EPB41L4A: variants seen among roughly 807,000 people sequenced by gnomAD.
EPB41L4A encodes band 4.1-like protein 4A.
EPB41L4A carries 100 observed loss-of-function variants against 108.6 expected under a neutral mutation model. The observed-to-expected ratio is 0.92, with a 90% confidence interval of 0.78 to 1.09. The LOEUF (loss-of-function observed/expected upper bound fraction) is 1.09. Among genes scored for constraint, EPB41L4A ranks in the 50% least tolerant of loss-of-function variants. The probability of loss-of-function intolerance (pLI) is 0.00; values close to 1 mark genes in which losing one functional copy is unlikely to be tolerated. For synonymous variants in EPB41L4A, 319 were observed against 289.0 expected (o/e 1.10, Z -1.05); for missense variants, 1,030 against 842.7 (o/e 1.22, Z -2.75).
At chr5:112,402,522 C>T (rs1321940332) in intron 1 of EPB41L4A, among the ~76,000 whole-genome samples, 2 of 151,986 alleles carry the variant, frequency 1.3e-5, no homozygotes, top group African/African-American at 4.8e-5. Flanking sequence ...CTTGCTTCAG[C>T]GGCACATATA....
chr5:112,150,012 A>G (rs1759406406), intron 12 of EPB41L4A, among the ~76,000 whole-genome samples: 1 of 152,214 alleles, frequency 6.6e-6, no homozygotes, highest in Non-Finnish European at 1.5e-5. Flanking sequence ...GAGGGAGATC[A>G]CCCTACAGAA....
intron 1 of EPB41L4A, among the ~76,000 whole-genome samples, chr5:112,400,353 A>G (rs1226730326): frequency 1.3e-5 from 2 of 152,212 alleles, no homozygotes; most frequent in Non-Finnish European, 2.9e-5. Flanking sequence ...AGATTTGCGT[A>G]GGGACACAGA....
At chr5:112,396,918 TTTTTC>T (rs1269370361) in intron 1 of EPB41L4A, among the ~76,000 whole-genome samples, 2 of 152,206 alleles carry the variant, frequency 1.3e-5, no homozygotes, top group Non-Finnish European at 2.9e-5. Flanking sequence ...AGTAATATGA[TTTTTC>T]TTTTCTTTGT....
At chr5:112,250,387 T>C (rs546847644) in intron 9 of EPB41L4A, among the ~76,000 whole-genome samples, 1 of 152,198 alleles carries the variant, frequency 6.6e-6, no homozygotes, top group Non-Finnish European at 1.5e-5. Context: ...GAAGTCCAAA[T>C]GGATTTTTCT....
At chr5:112,255,355 A>G (rs1251944118) in intron 9 of EPB41L4A, among the ~76,000 whole-genome samples, 4 of 152,086 alleles carry the variant, frequency 2.6e-5, no homozygotes, top group African/African-American at 9.7e-5. Flanking sequence ...CGTTAATGGA[A>G]TTCTGGGTTA....
chr5:112,342,373 C>T (rs6877695), intron 1 of EPB41L4A, among the ~76,000 whole-genome samples: 135,486 of 152,238 alleles, frequency 0.89, 60,359 homozygotes, highest in South Asian at 0.96. Flanking sequence ...AAAGCATTCA[C>T]AGAATGCTTT....
chr5:112,349,377 G>A (rs918760889), intron 1 of EPB41L4A, among the ~76,000 whole-genome samples: 1 of 152,144 alleles, frequency 6.6e-6, no homozygotes, highest in Non-Finnish European at 1.5e-5. Context: ...TGAGACAAGG[G>A]CAAGAATAGA....
chr5:112,248,269 T>C (rs919175145), intron 9 of EPB41L4A, among the ~76,000 whole-genome samples: 5 of 152,230 alleles, frequency 3.3e-5, no homozygotes, highest in African/African-American at 1.2e-4. Flanking sequence ...AATATCTCTT[T>C]CTACCACTCT....
intron 17 of EPB41L4A, 59 bp from the exon 18 acceptor site, chr5:112,184,194 C>A: frequency 1.3e-6 from 2 of 1,582,444 alleles, no homozygotes; most frequent in South Asian, 2.3e-5. Flanking sequence ...GTTTTAGGTT[C>A]ATCCTAAACT....
At chr5:112,255,203 T>A (rs1561515209) in intron 9 of EPB41L4A, among the ~76,000 whole-genome samples, 1 of 149,692 alleles carries the variant, frequency 6.7e-6, no homozygotes, top group African/African-American at 2.5e-5. Context: ...CCAGCTATAT[T>A]TCTGTTTATT....
At chr5:112,277,729 A>G (rs1752705959) in intron 3 of EPB41L4A, among the ~76,000 whole-genome samples, 1 of 152,208 alleles carries the variant, frequency 6.6e-6, no homozygotes, top group Non-Finnish European at 1.5e-5. Context: ...TCTCATATGC[A>G]TCACTGTTTC....
At chr5:112,156,037 G>A (rs1173648724) in intron 12 of EPB41L4A, among the ~76,000 whole-genome samples, 1 of 151,990 alleles carries the variant, frequency 6.6e-6, no homozygotes, top group Non-Finnish European at 1.5e-5. Context: ...TTTTTGAAAT[G>A]ACAAGTTTTG....
intron 18 of EPB41L4A, among the ~76,000 whole-genome samples, chr5:112,174,559 A>G (rs1263120586): frequency 6.6e-6 from 1 of 152,226 alleles, no homozygotes; most frequent in Non-Finnish European, 1.5e-5. Context: ...CACATCATTC[A>G]CAAATCACTT....
chr5:112,178,465 C>T (rs1760983685), intron 18 of EPB41L4A, among the ~76,000 whole-genome samples: 1 of 152,066 alleles, frequency 6.6e-6, no homozygotes, highest in Non-Finnish European at 1.5e-5. Flanking sequence ...TATTCGACAA[C>T]CAGTAACTGA....
Position 112,162,895 on chromosome 5 carries a change from C to T in EPB41L4A, c.*2095G>A, listed in dbSNP as rs182888525. The T allele has an allele frequency of 6.6e-6, 1 of 152,316 alleles. No homozygotes were observed. Among genetic ancestry groups the T allele is most frequent in the East Asian group, 1.9e-4 (1 of 5,186 alleles). 9.4% of individuals were successfully genotyped at this position (152,316 alleles called of 1,614,324 possible). A position where few individuals can be genotyped will look rare whatever the true frequency, so the allele number is the denominator to read the frequency against. ...GGGCTAGAAAAAAGATACCGTTAGTCCACTTACTTTTGAGACAGTTTTGGC... is the reference window on the plus strand; with the variant it reads ...GGGCTAGAAAAAAGATACCGTTAGTTCACTTACTTTTGAGACAGTTTTGGC... On this transcript the variant is annotated 3_prime_UTR_variant, in exon 23 of 23. Transcript: ENST00000261486.
chr5:112,331,544 G>A (rs185096027), intron 1 of EPB41L4A, among the ~76,000 whole-genome samples: 16 of 152,358 alleles, frequency 1.1e-4, no homozygotes, highest in East Asian at 1.9e-4. Context: ...AGCATTGTCT[G>A]CCATCTGAAC....
exon 14 of EPB41L4A, chr5:112,143,394 A>G (rs1177724301): frequency 1.3e-5 from 2 of 152,404 alleles, no homozygotes; most frequent in Admixed American, 6.5e-5. Context: ...TCATCATACC[A>G]AAATGATCTG....
chr5:112,160,940 T>C (rs1759853205), downstream of EPB41L4A: 1 of 156,368 alleles, frequency 6.4e-6, no homozygotes. Context: ...TGTGGCCGCG[T>C]GGTCTCTCAC....
At chr5:112,358,694 C>A (rs1009491068) in intron 1 of EPB41L4A, among the ~76,000 whole-genome samples, 5 of 152,180 alleles carry the variant, frequency 3.3e-5, no homozygotes, top group Non-Finnish European at 5.9e-5. Context: ...TATAGCAATT[C>A]CACTTCTAGG....
Sources: gnomAD v4.1 joint callset for allele counts (sites outside exome capture counted in the v4.1 genomes callset) on GRCh38, gnomAD v4.1.1 for gene constraint, MANE v1.5 for transcripts, NCBI Gene and HGNC (gene_info 2026-07-23, HGNC 2026-07-21) for gene names.